Variants in EYS observed in about 807,000 individuals in gnomAD.
The protein encoded by EYS is EGF-like photoreceptor maintenance factor, also known as protein eyes shut homolog.
In EYS, 250 loss-of-function variants were observed where a neutral mutation model predicts 282.1. That is an observed-to-expected ratio of 0.89 (90% confidence interval 0.80 to 0.98). The LOEUF (loss-of-function observed/expected upper bound fraction) is 0.98. Ranked by LOEUF, EYS falls within the 50% of genes least tolerant of loss-of-function variation. The pLI, the probability that EYS is intolerant of heterozygous loss-of-function variation, is 0.00. For missense variants in EYS, 4,016 were observed against 3,709.0 expected, an observed-to-expected ratio of 1.08 and a Z score of -2.15; for synonymous variants, 1,355 against 1,282.9, an observed-to-expected ratio of 1.06 and a Z score of -1.20.
At chr6:64,759,117 C>A (rs1237942787) in intron 22 of EYS, among the ~76,000 whole-genome samples, 1 of 150,830 alleles carries the variant, frequency 6.6e-6, no homozygotes, top group Non-Finnish European at 1.5e-5. Flanking sequence ...CCAACCTGGG[C>A]GACAGAGCGA....
intron 22 of EYS, chr6:64,631,351 A>C (rs1325876953): frequency 6.6e-6 from 1 of 152,100 alleles, no homozygotes; most frequent in Non-Finnish European, 1.5e-5. Flanking sequence ...ATAAGAAGTA[A>C]ATGAAATCAT....
chr6:64,724,898 GA>G (rs1269381076), intron 22 of EYS, among the ~76,000 whole-genome samples: 2 of 151,456 alleles, frequency 1.3e-5, no homozygotes, highest in Non-Finnish European at 2.9e-5. Context: ...ATTATGGAAA[GA>G]ACAACTTAAT....
intron 18 of EYS, among the ~76,000 whole-genome samples, chr6:64,897,024 C>T (rs914205197): frequency 1.3e-5 from 2 of 152,154 alleles, no homozygotes; most frequent in Non-Finnish European, 2.9e-5. Context: ...CGGCTGTTGG[C>T]ACAGCTTGAG....
intron 28 of EYS, among the ~76,000 whole-genome samples, chr6:64,395,707 G>A (rs1364882768): frequency 2.0e-5 from 3 of 150,436 alleles, no homozygotes; most frequent in South Asian, 2.1e-4. Flanking sequence ...TGGGTGCAGC[G>A]CACCAGCATG....
At chr6:63,741,764 C>T (rs1289784074) in intron 41 of EYS, 7 of 551,324 alleles carry the variant, frequency 1.3e-5, no homozygotes, top group Non-Finnish European at 2.0e-5. Flanking sequence ...TAAGAGACCC[C>T]GTTCAATCTG....
chr6:64,397,102 A>T (rs1412917158), intron 28 of EYS, among the ~76,000 whole-genome samples: 1 of 152,048 alleles, frequency 6.6e-6, no homozygotes, highest in Non-Finnish European at 1.5e-5. Flanking sequence ...GAGATAATTA[A>T]ATATCTCTTT....
intron 35 of EYS, among the ~76,000 whole-genome samples, chr6:63,974,496 G>A (rs1303613275): frequency 6.6e-6 from 1 of 152,008 alleles, no homozygotes; most frequent in Non-Finnish European, 1.5e-5. Context: ...AGCCAGAGAA[G>A]TCTCTTATGC....
At chr6:65,378,764 C>T (rs906392156) in intron 8 of EYS, among the ~76,000 whole-genome samples, 1 of 151,908 alleles carries the variant, frequency 6.6e-6, no homozygotes, top group Non-Finnish European at 1.5e-5. Context: ...AACCATCATT[C>T]TCAGCAAACT....
At chr6:65,589,779 A>C (rs952182869) in intron 2 of EYS, among the ~76,000 whole-genome samples, 4 of 151,818 alleles carry the variant, frequency 2.6e-5, no homozygotes, top group Non-Finnish European at 5.9e-5. Context: ...GCATTTTACC[A>C]TTTTCCTGAC....
intron 8 of EYS, among the ~76,000 whole-genome samples, chr6:65,361,087 C>G (rs998331561): frequency 1.4e-5 from 2 of 145,200 alleles, no homozygotes; most frequent in African/African-American, 5.2e-5. Flanking sequence ...GAAATACCAT[C>G]ATTCTCAGCA....
chr6:64,858,271 TGTATATG>T (rs1365052176), intron 19 of EYS, among the ~76,000 whole-genome samples: 1 of 152,162 alleles, frequency 6.6e-6, no homozygotes, highest in Admixed American at 6.5e-5. Flanking sequence ...AGTTAATTTT[TGTATATG>T]GTATGAGACA....
chr6:64,958,788 T>C (rs947244996), intron 14 of EYS, among the ~76,000 whole-genome samples: 6 of 130,780 alleles, frequency 4.6e-5, no homozygotes, highest in Non-Finnish European at 9.8e-5. Flanking sequence ...CAAATATACA[T>C]ACTGTAATCA....
At chr6:65,459,004 A>G (rs1248356734) in intron 5 of EYS, among the ~76,000 whole-genome samples, 3 of 152,168 alleles carry the variant, frequency 2.0e-5, no homozygotes, top group Non-Finnish European at 2.9e-5. Flanking sequence ...TAAAAAGTAT[A>G]GAATTTTTAA....
At chr6:64,310,800 C>G (rs945121581) in intron 29 of EYS, among the ~76,000 whole-genome samples, 2 of 152,036 alleles carry the variant, frequency 1.3e-5, no homozygotes, top group African/African-American at 2.4e-5. Flanking sequence ...GGGAACTGAG[C>G]ATATGAGTGA....
chr6:64,755,013 C>T (rs1772887935), intron 22 of EYS, among the ~76,000 whole-genome samples: 1 of 152,054 alleles, frequency 6.6e-6, no homozygotes. Flanking sequence ...GCTCTGTTTA[C>T]TGACAGTTGA....
intron 35 of EYS, among the ~76,000 whole-genome samples, chr6:63,878,425 G>A (rs148839978): frequency 0.12 from 17,849 of 152,142 alleles, 1,280 homozygotes; most frequent in African/African-American, 0.19. Context: ...TCGGGGGTCC[G>A]GGACCCACTT....
intron 14 of EYS, 144 bp from the exon 15 acceptor site, chr6:64,946,058 CT>C: frequency 1.7e-6 from 1 of 581,188 alleles, no homozygotes; most frequent in Non-Finnish European, 2.8e-6. Context: ...CCCCAAATGA[CT>C]TTTACCACAT....
rs1341608729 is a variant in EYS at position 63,739,265 on chromosome 6, A to C, written c.8072-12585T>G. Among the ~76,000 whole-genome samples, 3 of 151,898 alleles carry C rather than the reference A, an allele frequency of 2.0e-5. No individual in the cohort carries two copies. In the East Asian group the frequency reaches 5.8e-4, roughly 29 times the overall value. On this transcript the variant is annotated intron_variant, in intron 41 of 42. Coordinates refer to ENST00000503581, the MANE Select transcript of EYS (RefSeq NM_001142800.2). The stretch of plus-strand genomic sequence containing the variant: ...TCTGGGATGGAACTTAGTGTATGGG[A>C]GGTTTATTGGAGAGTGTGCTTGGAA...
intron 1 of EYS, among the ~76,000 whole-genome samples, chr6:65,700,961 C>A (rs1468422112): frequency 4.6e-5 from 7 of 152,128 alleles, no homozygotes; most frequent in Non-Finnish European, 8.8e-5. Context: ...TTTATTGTTT[C>A]ATATTGCTAT....
Sources: allele counts gnomAD v4.1 joint callset (sites outside exome capture counted in the v4.1 genomes callset), GRCh38; gene constraint gnomAD v4.1.1; transcripts MANE v1.5; gene names NCBI Gene and HGNC (gene_info 2026-07-23, HGNC 2026-07-21).